Variants in LDB2 observed in about 807,000 individuals in gnomAD.
LDB2 encodes the protein LIM domain binding 2.
Under a neutral mutation model 44.3 loss-of-function variants are expected in LDB2, and 12 were observed. The ratio of observed to expected loss-of-function variants is 0.27; its 90% CI spans 0.17 to 0.44. The LOEUF (loss-of-function observed/expected upper bound fraction) is 0.44. LDB2 is among the 20% of genes least tolerant of loss of function. The pLI is 1.00. For synonymous variants in LDB2, 164 were observed against 174.8 expected, an observed-to-expected ratio of 0.94 and a Z score of 0.49; for missense variants, 344 against 473.5, an observed-to-expected ratio of 0.73 and a Z score of 2.54.
intron 2 of LDB2, among the ~76,000 whole-genome samples, chr4:16,751,974 AAAAAT>A (rs1177997468): frequency 6.6e-6 from 1 of 152,186 alleles, no homozygotes; most frequent in African/African-American, 2.4e-5. Flanking sequence ...TCTTTAAAAT[AAAAAT>A]AAAATAAAAT....
chr4:16,853,348 G>A (rs553079121), intron 1 of LDB2, among the ~76,000 whole-genome samples: 72 of 152,238 alleles, frequency 4.7e-4, no homozygotes, highest in African/African-American at 1.6e-3. Context: ...TTTTCTAAAA[G>A]AGACACAAAA....
intron 2 of LDB2, among the ~76,000 whole-genome samples, chr4:16,598,727 G>A (rs1721733267): frequency 6.6e-6 from 1 of 152,058 alleles, no homozygotes; most frequent in African/African-American, 2.4e-5. Flanking sequence ...TGGAAATATA[G>A]GAGCCTGAAT....
At chr4:16,644,983 A>G (rs1736293246) in intron 2 of LDB2, among the ~76,000 whole-genome samples, 1 of 152,216 alleles carries the variant, frequency 6.6e-6, no homozygotes, top group Non-Finnish European at 1.5e-5. Context: ...AGACATAAGC[A>G]TAAACACTTA....
chr4:16,639,556 G>A (rs1734574329), intron 2 of LDB2, among the ~76,000 whole-genome samples: 2 of 152,188 alleles, frequency 1.3e-5, no homozygotes, highest in South Asian at 4.1e-4. Context: ...CCACCTACCA[G>A]GTTCAAGCAA....
At chr4:16,630,656 G>A (rs560624355) in intron 2 of LDB2, among the ~76,000 whole-genome samples, 1 of 152,262 alleles carries the variant, frequency 6.6e-6, no homozygotes, top group Non-Finnish European at 1.5e-5. Context: ...ATTGGATAAA[G>A]AGTCGAGACC....
chr4:16,598,750 C>A (rs1452838116), intron 2 of LDB2, among the ~76,000 whole-genome samples: 4 of 152,030 alleles, frequency 2.6e-5, no homozygotes, highest in Non-Finnish European at 4.4e-5. Flanking sequence ...AGAAGAAAAG[C>A]AAAGCAAATT....
intron 1 of LDB2, among the ~76,000 whole-genome samples, chr4:16,788,525 T>C (rs988501224): frequency 2.0e-5 from 3 of 152,344 alleles, no homozygotes; most frequent in East Asian, 3.9e-4. Context: ...AGAGACACTT[T>C]AGATCCCAGA....
intron 1 of LDB2, among the ~76,000 whole-genome samples, chr4:16,877,576 T>G (rs1718806838): frequency 6.6e-6 from 1 of 152,202 alleles, no homozygotes; most frequent in South Asian, 2.1e-4. Context: ...TTGTCACTGT[T>G]AGAGATCCAC....
chr4:16,725,245 C>T (rs1759170082), intron 2 of LDB2, among the ~76,000 whole-genome samples: 1 of 149,816 alleles, frequency 6.7e-6, no homozygotes, highest in Non-Finnish European at 1.5e-5. Flanking sequence ...CACAAGTTCA[C>T]ACACACACAC....
chr4:16,585,798 G>T, intron 5 of LDB2, 124 bp downstream of exon 5: 2 of 658,654 alleles, frequency 3.0e-6, no homozygotes, highest in East Asian at 2.9e-5. Context: ...CATACATCTG[G>T]TACAGAACAT....
chr4:16,644,302 A>G (rs1736040689), intron 2 of LDB2, among the ~76,000 whole-genome samples: 1 of 152,226 alleles, frequency 6.6e-6, no homozygotes. Flanking sequence ...TTTCATCCCA[A>G]GCTCCAGGTG....
At chr4:16,519,579 G>A (rs1725195291) in intron 5 of LDB2, among the ~76,000 whole-genome samples, 1 of 150,596 alleles carries the variant, frequency 6.6e-6, no homozygotes, top group Non-Finnish European at 1.5e-5. Flanking sequence ...TGGCAAACTT[G>A]GGGGTTTGAA....
intron 1 of LDB2, among the ~76,000 whole-genome samples, chr4:16,798,491 A>C (rs1777163207): frequency 6.6e-6 from 1 of 152,212 alleles, no homozygotes; most frequent in South Asian, 2.1e-4. Flanking sequence ...CACACCAACA[A>C]AATCAATTGT....
At chr4:16,686,757 G>A (rs1038756823) in intron 2 of LDB2, among the ~76,000 whole-genome samples, 4 of 152,082 alleles carry the variant, frequency 2.6e-5, no homozygotes, top group Admixed American at 6.6e-5. Context: ...CAATCAATGA[G>A]GAATTGCTCA....
intron 1 of LDB2, among the ~76,000 whole-genome samples, chr4:16,764,083 C>T (rs955617124): frequency 2.0e-5 from 3 of 152,078 alleles, no homozygotes; most frequent in South Asian, 2.1e-4. Flanking sequence ...CTAAAGTTCA[C>T]GTAGCAAGTC....
chr4:16,864,545 A>T (rs1713952679), intron 1 of LDB2, among the ~76,000 whole-genome samples: 1 of 152,206 alleles, frequency 6.6e-6, no homozygotes, highest in South Asian at 2.1e-4. Context: ...CCAGAGTATT[A>T]ATTAAAGGCC....
At chr4:16,755,183 T>G (rs936230509) in intron 2 of LDB2, among the ~76,000 whole-genome samples, 2 of 152,172 alleles carry the variant, frequency 1.3e-5, no homozygotes, top group Admixed American at 6.5e-5. Context: ...GGGGAACGGT[T>G]CTGCTACATT....
chr4:16,602,233 C>T (rs907548191), intron 2 of LDB2, among the ~76,000 whole-genome samples: 7 of 152,082 alleles, frequency 4.6e-5, no homozygotes, highest in Admixed American at 2.6e-4. Flanking sequence ...CTTGATAGCT[C>T]GGGAAGGCCA....
intron 1 of LDB2, among the ~76,000 whole-genome samples, chr4:16,854,013 T>C (rs1051544046): frequency 3.9e-5 from 6 of 152,016 alleles, no homozygotes; most frequent in African/African-American, 7.2e-5. Context: ...AAGAGGTAGA[T>C]TGAAGAATGT....
Sources: allele counts gnomAD v4.1 joint callset (sites outside exome capture counted in the v4.1 genomes callset), GRCh38; gene constraint gnomAD v4.1.1; transcripts MANE v1.5; gene names NCBI Gene and HGNC (gene_info 2026-07-23, HGNC 2026-07-21).